The following HSD3B1 variants were observed in gnomAD, a reference collection of about 807,000 sequenced individuals.
The protein encoded by HSD3B1 is hydroxy-delta-5-steroid dehydrogenase, 3 beta- and steroid delta-isomerase 1, also known as 3 beta-hydroxysteroid dehydrogenase/Delta 5-->4-isomerase type 1.
HSD3B1 carries 11 observed loss-of-function variants against 10.4 expected under a neutral mutation model. The ratio of observed to expected loss-of-function variants is 1.05; its 90% CI spans 0.66 to 1.75. HSD3B1 has a LOEUF of 1.75. Ranked by LOEUF, HSD3B1 falls within the 40% of genes most tolerant of loss-of-function variation. The pLI, the probability that HSD3B1 is intolerant of heterozygous loss-of-function variation, is 0.00. For synonymous variants in HSD3B1, 217 were observed against 185.4 expected, an observed-to-expected ratio of 1.17 and a Z score of -1.39; for missense variants, 490 against 454.5, an observed-to-expected ratio of 1.08 and a Z score of -0.71.
rs778354930 is a variant in HSD3B1, at chr1:119,514,519, G to T, written c.996G>T (p.Lys332Asn). The part of the protein sequence containing the change: ...LSNSVFTFSY[K>N]KAQRDLAYKP... ...ATAGCGTATTCACCTTCTCTTATAA[G>T]AAGGCTCAGCGAGATCTGGCGTATA... Residue 332 changes from lysine (K) to asparagine (N), a missense_variant, in exon 4 of 4, where the codon AAG (lysine) becomes AAT (asparagine). Transcript: ENST00000369413. 6.2e-7 allele frequency: 1 copy of T among 1,614,014 alleles called. No homozygotes were observed. The highest frequency in any genetic ancestry group is 8.5e-7 in the Non-Finnish European group (1 of 1,179,996).
intron 2 of HSD3B1, among the ~76,000 whole-genome samples, chr1:119,510,094 A>G (rs1374447942): frequency 6.6e-6 from 1 of 152,204 alleles, no homozygotes; most frequent in Non-Finnish European, 1.5e-5. Flanking sequence ...TTGCATACAG[A>G]TGATAAAGCA....
intron 3 of HSD3B1, 98 bp from the exon 4 acceptor site, chr1:119,513,736 A>G (rs1654012095): frequency 8.8e-7 from 1 of 1,130,940 alleles, no homozygotes; most frequent in Non-Finnish European, 1.3e-6. Context: ...TACAACCACC[A>G]TATTTGGGAG....
chr1:119,512,836 A>G (rs955808775), intron 3 of HSD3B1, among the ~76,000 whole-genome samples: 1 of 152,226 alleles, frequency 6.6e-6, no homozygotes, highest in South Asian at 2.1e-4. Flanking sequence ...CTCTGCCACA[A>G]GATTAATTTT....
At chr1:119,512,442 A>G (rs1271972188) in intron 3 of HSD3B1, among the ~76,000 whole-genome samples, 3 of 151,970 alleles carry the variant, frequency 2.0e-5, no homozygotes, top group East Asian at 3.9e-4. Flanking sequence ...TCTTCTCAGA[A>G]ATCTCACCCT....
intron 1 of HSD3B1, 46 bp from the exon 2 acceptor site, chr1:119,507,346 A>G (rs1653812886): frequency 1.2e-6 from 1 of 868,362 alleles, no homozygotes; most frequent in South Asian, 1.6e-5. Context: ...GTGGAGGAAA[A>G]TGAGGCATCT....
intron 3 of HSD3B1, 84 bp from the exon 4 acceptor site, chr1:119,513,750 G>A: frequency 7.9e-7 from 1 of 1,273,008 alleles, no homozygotes; most frequent in East Asian, 2.3e-5. Flanking sequence ...TTGGGAGTGG[G>A]GGGTGGGGCA....
intron 2 of HSD3B1, among the ~76,000 whole-genome samples, chr1:119,509,848 T>A (rs1653886098): frequency 6.6e-6 from 1 of 152,180 alleles, no homozygotes; most frequent in Admixed American, 6.6e-5. Flanking sequence ...ACTGGCTTAT[T>A]CTTTGGAAAA....
At position 119,507,596 on chromosome 1, in the gene HSD3B1, A is replaced by G. The variant is rs1469718294; in HGVS notation, c.120A>G (p.Gly40=). ...TCAGGGTCTTGGACAAGGCCTTCGGACCAGAATTGAGAGAGGAATTTTCTA... is the reference window on the plus strand; with the variant it reads ...TCAGGGTCTTGGACAAGGCCTTCGGGCCAGAATTGAGAGAGGAATTTTCTA... ...KEIRVLDKAF[G]PELREEFSKL... The change falls in exon 2 of 4, where the codon GGA becomes GGG. Residue 40 remains glycine, a synonymous_variant. Coordinates refer to ENST00000369413, the MANE Select transcript of HSD3B1 (RefSeq NM_000862.3). 6.2e-7 allele frequency: 1 copy of G among 1,613,852 alleles called. No individual in the cohort carries two copies. Among genetic ancestry groups the G allele is most frequent in the African/African-American group, 1.3e-5 (1 of 74,900 alleles).
chr1:119,511,402 A>T, intron 2 of HSD3B1, 101 bp from the exon 3 acceptor site: 1 of 1,177,748 alleles, frequency 8.5e-7, no homozygotes, highest in Non-Finnish European at 1.3e-6. Flanking sequence ...CTAACACCCT[A>T]CTCTAACCAT....
Position 119,509,596 on chromosome 1 carries a change from T to C in HSD3B1, c.146-1907T>C, listed in dbSNP as rs587761600. ...GAGGTGGAACTAGAACCAGAGAACA[T>C]CCCACTCTCAGGCTGTTACCCACAT... On this transcript the variant is annotated intron_variant, in intron 2 of 3. Coordinates refer to ENST00000369413, the MANE Select transcript of HSD3B1 (RefSeq NM_000862.3). 2.3e-4 allele frequency among the ~76,000 whole-genome samples: 35 copies of C among 152,202 alleles called. No homozygotes were observed. In the East Asian group the frequency reaches 6.2e-3, roughly 27 times the overall value.
At chr1:119,513,728 C>A in intron 3 of HSD3B1, 106 bp from the exon 4 acceptor site, 2 of 1,077,962 alleles carry the variant, frequency 1.9e-6, no homozygotes, top group Non-Finnish European at 1.4e-6. Flanking sequence ...GAGTCTGTTA[C>A]AACCACCATA....
At position 119,514,724 on chromosome 1, in the gene HSD3B1, A is replaced by G; in HGVS notation, c.*79A>G. The G allele has an allele frequency of 2.0e-6, 3 of 1,503,220 alleles. No homozygotes were observed. Among genetic ancestry groups the G allele is most frequent in the Non-Finnish European group, 2.7e-6 (3 of 1,096,506 alleles). The allele number at this position is 1,503,220 out of a possible 1,614,324, so 93.1% of individuals were successfully genotyped here. On this transcript the variant is annotated 3_prime_UTR_variant, in exon 4 of 4. Coordinates refer to ENST00000369413, the MANE Select transcript of HSD3B1 (RefSeq NM_000862.3). ...TCCACCCTCCTGGCCTCATACAGAA[A>G]GTGACAAGGGCACAAGCTCAGGTCC...
rs2101464677 is a variant in HSD3B1, at chr1:119,513,968, A to G, written c.445A>G (p.Asn149Asp). 6.2e-7 allele frequency: 1 copy of G among 1,614,114 alleles called. No individual in the cohort carries two copies. Among genetic ancestry groups the G allele is most frequent in the East Asian group, 2.2e-5 (1 of 44,872 alleles). The change falls in exon 4 of 4, where the codon AAC becomes GAC. Residue 149 changes from asparagine (N) to aspartate (D), a missense_variant. Coordinates refer to ENST00000369413, the MANE Select transcript of HSD3B1 (RefSeq NM_000862.3). Reference sequence around the variant, plus strand: ...TGGCCATGAAGAAGAGCCTCTGGAAAACACATGGCCCGCTCCATACCCACA... The same window carrying G: ...TGGCCATGAAGAAGAGCCTCTGGAAGACACATGGCCCGCTCCATACCCACA... Reference protein sequence around the residue: ...QNGHEEEPLENTWPAPYPHSK... With the variant: ...QNGHEEEPLEDTWPAPYPHSK...
intron 2 of HSD3B1, among the ~76,000 whole-genome samples, chr1:119,509,480 G>A (rs769783114): frequency 7.2e-5 from 11 of 152,194 alleles, no homozygotes; most frequent in Non-Finnish European, 1.6e-4. Context: ...TTTTCTCTCA[G>A]CTTTGGACTT....
intron 2 of HSD3B1, among the ~76,000 whole-genome samples, chr1:119,509,185 G>A (rs769213366): frequency 3.4e-5 from 5 of 148,878 alleles, no homozygotes; most frequent in Non-Finnish European, 4.4e-5. Flanking sequence ...TAGAAACAGA[G>A]AGGTTAGTTA....
At chr1:119,512,551 A>G (rs1197608176) in intron 3 of HSD3B1, among the ~76,000 whole-genome samples, 1 of 151,002 alleles carries the variant, frequency 6.6e-6, no homozygotes, top group Non-Finnish European at 1.5e-5. Context: ...CAAAGCAACC[A>G]ATTGCTTTTG....
intron 2 of HSD3B1, among the ~76,000 whole-genome samples, chr1:119,509,652 C>T (rs1321136088): frequency 2.0e-5 from 3 of 152,178 alleles, no homozygotes; most frequent in African/African-American, 7.2e-5. Context: ...CTGACTCCCC[C>T]ACTCCAGGAC....
Position 119,514,868 on chromosome 1 carries a change from T to C in HSD3B1, c.*223T>C, listed in dbSNP as rs1413347691. 17 of 580,044 alleles carry C rather than the reference T, an allele frequency of 2.9e-5. No individual in the cohort carries two copies. The East Asian group carries it at 5.1e-4, about 17-fold the overall frequency. The allele number at this position is 580,044 out of a possible 1,614,324, so 35.9% of individuals were successfully genotyped here. A position where few individuals can be genotyped will look rare whatever the true frequency, so the allele number is the denominator to read the frequency against. ...TAATCATATACCAGAGGAAAGACCA[T>C]GTGGTTTGCTGTTACCAAATCTCAG... On this transcript the variant is annotated 3_prime_UTR_variant, in exon 4 of 4. Transcript: ENST00000369413.
chr1:119,510,282 G>T (rs917153559), intron 2 of HSD3B1, among the ~76,000 whole-genome samples: 1 of 152,112 alleles, frequency 6.6e-6, no homozygotes, highest in African/African-American at 2.4e-5. Context: ...GTTCATTGGT[G>T]GTTAACTCAT....
Sources: gnomAD v4.1 joint callset for allele counts (sites outside exome capture counted in the v4.1 genomes callset) on GRCh38, gnomAD v4.1.1 for gene constraint, MANE v1.5 for transcripts, NCBI Gene and HGNC (gene_info 2026-07-23, HGNC 2026-07-21) for gene names.